KIAA1210: variants seen among roughly 807,000 people sequenced by gnomAD.
KIAA1210 encodes the protein KIAA1210.
A neutral mutation model predicts 78.9 loss-of-function variants in KIAA1210; 48 were observed. The ratio of observed to expected loss-of-function variants is 0.61; its 90% CI spans 0.48 to 0.77. KIAA1210 has a LOEUF of 0.77. Among genes scored for constraint, KIAA1210 ranks in the 30% least tolerant of loss-of-function variants. The pLI is 0.00. For synonymous variants in KIAA1210, 406 were observed against 404.5 expected (o/e 1.00, Z -0.04); for missense variants, 1,108 against 1,100.0 (o/e 1.01, Z -0.10).
chrX:119,115,235 TTCTC>T (rs750731045), intron 3 of KIAA1210, among the ~76,000 whole-genome samples: 6 of 106,227 alleles, frequency 5.6e-5, no homozygotes, highest in Admixed American at 2.0e-4. Context: ...AATCCCCCCC[TTCTC>T]TCTCTCTCTC....
upstream of KIAA1210, among the ~76,000 whole-genome samples, chrX:119,127,814 C>T (rs1480012556): frequency 8.9e-6 from 1 of 112,275 alleles, no homozygotes; most frequent in Non-Finnish European, 1.9e-5. Flanking sequence ...ACCAACACTG[C>T]GCTTGCTGAA....
rs1235162220 is a variant in KIAA1210, at chrX:119,089,400, C to A, written c.1302G>T (p.Leu434Phe). 1 of 1,211,678 alleles carries A rather than the reference C, an allele frequency of 8.3e-7. No individual in the cohort carries two copies. The highest frequency in any genetic ancestry group is 1.1e-6 in the Non-Finnish European group (1 of 895,421). ...TTCCCATGTCATCTTTATCTGAAAG[C>A]AACCCCTGAGGGGTAGTGGTTTCTG... ...SQPETTTPQG[L>F]LSDKDDMGRR... Residue 434 changes from leucine to phenylalanine, a missense_variant, in exon 9 of 12, where the codon TTG becomes TTT. Physicochemically the swap from Leu to Phe is conservative, Grantham distance 22. Transcript: ENST00000691062.
intron 2 of KIAA1210, among the ~76,000 whole-genome samples, chrX:119,146,778 G>A (rs1203720766): frequency 9.0e-6 from 1 of 110,835 alleles, no homozygotes; most frequent in Non-Finnish European, 1.9e-5. Flanking sequence ...TTCTCCTATC[G>A]CTCTCATGAA....
At position 119,122,495 on chromosome X, in the gene KIAA1210, A is replaced by G. The variant is rs758891478; in HGVS notation, c.61+1087T>C. ...TACTCAAATATTTGGTCTTACAAAA[A>G]ACAAACTTGAGAACAGAGAAAAGGC... On this transcript the variant is annotated intron_variant, in intron 2 of 11. Coordinates refer to ENST00000691062, the MANE Select transcript of KIAA1210 (RefSeq NM_001394962.1). 6.2e-5 allele frequency among the ~76,000 whole-genome samples: 7 copies of G among 112,473 alleles called. No homozygotes were observed. In the East Asian group the frequency reaches 1.7e-3, roughly 27 times the overall value.
At chrX:119,084,391 CTTG>C (rs1020876431) in intron 10 of KIAA1210, among the ~76,000 whole-genome samples, 81 of 111,557 alleles carry the variant, frequency 7.3e-4, no homozygotes, top group African/African-American at 2.5e-3. Context: ...AGAAAGGGAA[CTTG>C]TTGTGTACTG....
chrX:119,083,939 CA>C (rs1216317441), intron 10 of KIAA1210, among the ~76,000 whole-genome samples: 1 of 89,232 alleles, frequency 1.1e-5, no homozygotes, highest in African/African-American at 4.5e-5. Context: ...GTTGACACTA[CA>C]GTGAGCTGTG....
intron 6 of KIAA1210, among the ~76,000 whole-genome samples, chrX:119,097,655 A>C (rs1927597495): frequency 8.9e-6 from 1 of 112,194 alleles, no homozygotes; most frequent in Admixed American, 9.4e-5. Context: ...ACATGCCTTC[A>C]TGGTTCCCAC....
chrX:119,145,848 C>T (rs186992411), intron 2 of KIAA1210, among the ~76,000 whole-genome samples: 262 of 111,689 alleles, frequency 2.3e-3, no homozygotes, highest in African/African-American at 7.6e-3. Flanking sequence ...AGAGTAAAAC[C>T]GTTTAAAGCA....
chrX:119,135,283 G>A (rs909360665), intron 2 of KIAA1210, among the ~76,000 whole-genome samples: 1 of 112,032 alleles, frequency 8.9e-6, no homozygotes, highest in Admixed American at 9.5e-5. Flanking sequence ...TACATGACCC[G>A]AAAATAGAAT....
At position 119,079,192 on chromosome X, in the gene KIAA1210, C is replaced by G. The variant is rs1313678736; in HGVS notation, c.*2137G>C. 8.9e-6 allele frequency: 1 copy of G among 112,384 alleles called. No individual in the cohort carries two copies. Among genetic ancestry groups the G allele is most frequent in the African/African-American group, 3.2e-5 (1 of 30,900 alleles). The allele number at this position is 112,384 out of a possible 1,213,427, so 9.3% of individuals were successfully genotyped here. ...ACAAAACCCAGCACCAAGTGTTTAG[C>G]TCTGACACCTCACTACCTCTCTGGA... is the stretch of plus-strand genomic sequence containing the variant. On this transcript the variant is annotated 3_prime_UTR_variant, in exon 12 of 12. Transcript: ENST00000691062.
intron 2 of KIAA1210, among the ~76,000 whole-genome samples, chrX:119,142,774 C>CAAAA (rs11439597): frequency 1.1e-3 from 42 of 38,539 alleles, no homozygotes; most frequent in Admixed American, 2.3e-3. Context: ...GACTCCATCT[C>CAAAA]AAAAAAAAAA....
intron 6 of KIAA1210, among the ~76,000 whole-genome samples, chrX:119,103,841 C>T (rs986777456): frequency 9.0e-6 from 1 of 111,729 alleles, no homozygotes; most frequent in African/African-American, 3.2e-5. Context: ...TGAAAGAAGC[C>T]AGCACAAAAG....
intron 2 of KIAA1210, among the ~76,000 whole-genome samples, chrX:119,118,892 G>A (rs1361673552): frequency 8.9e-6 from 1 of 112,227 alleles, no homozygotes; most frequent in Non-Finnish European, 1.9e-5. Context: ...CTATGTCTTA[G>A]CTACCGCCCC....
At chrX:119,125,743 T>A (rs866987071) in intron 1 of KIAA1210, among the ~76,000 whole-genome samples, 12 of 8,098 alleles carry the variant, frequency 1.5e-3, no homozygotes, top group East Asian at 0.014. Flanking sequence ...ATATTTTTTT[T>A]TTTTTTTTTT....
chrX:119,149,266 C>A (rs1345502448), intron 1 of KIAA1210, among the ~76,000 whole-genome samples: 4 of 111,466 alleles, frequency 3.6e-5, no homozygotes, highest in Admixed American at 2.9e-4. Context: ...CTCTTGCAAA[C>A]TGCTGTTTAC....
chrX:119,085,216 C>T (rs766249803), intron 10 of KIAA1210, among the ~76,000 whole-genome samples, 167 bp downstream of exon 10: 2 of 112,268 alleles, frequency 1.8e-5, no homozygotes, highest in South Asian at 3.8e-4. Context: ...AAGCAGGGCA[C>T]GTTTGTATAA....
Position 119,083,097 on chromosome X carries a change from G to C in KIAA1210, c.4344C>G (p.Asn1448Lys). 8.3e-7 allele frequency: 1 copy of C among 1,205,254 alleles called. No homozygotes were observed. Among genetic ancestry groups the C allele is most frequent in the African/African-American group, 1.7e-5 (1 of 57,505 alleles). Residue 1448 changes from asparagine (N) to lysine (K), a missense_variant, in exon 11 of 12, where the codon AAC becomes AAG. Transcript: ENST00000691062. ...KYEGAGSANE[N>K]QPKKMFTSSV... ...TGGAAGTGAACATCTTTTTAGGTTGGTTTTCATTTGCAGAGCCAGCTCCCT... is the reference window on the plus strand; with the variant it reads ...TGGAAGTGAACATCTTTTTAGGTTGCTTTTCATTTGCAGAGCCAGCTCCCT...
intron 6 of KIAA1210, among the ~76,000 whole-genome samples, chrX:119,103,310 A>C (rs1352865211): frequency 1.8e-5 from 2 of 112,487 alleles, no homozygotes; most frequent in African/African-American, 6.5e-5. Flanking sequence ...AAGAAGATAC[A>C]CAAATGGCTA....
chrX:119,121,561 C>G (rs187926991), intron 2 of KIAA1210, among the ~76,000 whole-genome samples: 45 of 38,525 alleles, frequency 1.2e-3, no homozygotes, highest in African/African-American at 2.5e-3. Flanking sequence ...GAAAACAGCT[C>G]ATTGAAGGCT....
Sources: gnomAD v4.1 joint callset for allele counts (sites outside exome capture counted in the v4.1 genomes callset) on GRCh38, gnomAD v4.1.1 for gene constraint, MANE v1.5 for transcripts, NCBI Gene and HGNC (gene_info 2026-07-23, HGNC 2026-07-21) for gene names.